CPA6: variants seen among roughly 807,000 people sequenced by gnomAD.
The protein encoded by CPA6 is carboxypeptidase B.
In CPA6, 58 loss-of-function variants were observed where a neutral mutation model predicts 63.3. That is an observed-to-expected ratio of 0.92 (90% CI 0.74 to 1.14). The LOEUF (loss-of-function observed/expected upper bound fraction) is 1.14. CPA6 is among the 50% of genes most tolerant of loss of function. CPA6 has a pLI of 0.00. For missense variants in CPA6, 565 were observed against 526.6 expected (o/e 1.07, Z -0.71); for synonymous variants, 185 against 179.0 (o/e 1.03, Z -0.27).
At chr8:67,425,270 CTATTAT>C (rs563612920) in intron 10 of CPA6, among the ~76,000 whole-genome samples, 2 of 151,430 alleles carry the variant, frequency 1.3e-5, no homozygotes, top group African/African-American at 4.9e-5. Context: ...TGAGATAATC[CTATTAT>C]TATTATTATT....
intron 2 of CPA6, among the ~76,000 whole-genome samples, chr8:67,589,366 G>T (rs1304240572): frequency 1.3e-5 from 2 of 152,178 alleles, no homozygotes; most frequent in Non-Finnish European, 2.9e-5. Flanking sequence ...CCTTGTGGAA[G>T]AATCTTCCAA....
intron 8 of CPA6, among the ~76,000 whole-genome samples, chr8:67,453,148 T>C (rs1489963641): frequency 2.0e-5 from 3 of 152,048 alleles, no homozygotes; most frequent in Non-Finnish European, 4.4e-5. Context: ...GGGTAGCAGC[T>C]GTGAGAGTAG....
chr8:67,677,728 C>A (rs1816506810), intron 1 of CPA6, among the ~76,000 whole-genome samples: 1 of 151,998 alleles, frequency 6.6e-6, no homozygotes, highest in African/African-American at 2.4e-5. Context: ...ATAATCAAAT[C>A]TTTCAAATAC....
At chr8:67,476,547 CTCTCTCTTT>C (rs1369342889) in intron 8 of CPA6, among the ~76,000 whole-genome samples, 2 of 123,968 alleles carry the variant, frequency 1.6e-5, no homozygotes, top group African/African-American at 8.3e-5. Context: ...ATCTCTCTCT[CTCTCTCTTT>C]TTTTTTTTTT....
At chr8:67,510,406 A>ATGTGTGTG (rs71554609) in intron 4 of CPA6, among the ~76,000 whole-genome samples, 122 of 150,376 alleles carry the variant, frequency 8.1e-4, no homozygotes, top group Middle Eastern at 6.9e-3. Flanking sequence ...AGCAGGATAT[A>ATGTGTGTG]TGTGTGTGTG....
chr8:67,637,686 T>C (rs1195920818), intron 1 of CPA6, among the ~76,000 whole-genome samples: 1 of 151,510 alleles, frequency 6.6e-6, no homozygotes, highest in East Asian at 1.9e-4. Flanking sequence ...AGACAAACAA[T>C]ACCTTATTAT....
At chr8:67,450,005 G>A (rs143284842) in intron 8 of CPA6, among the ~76,000 whole-genome samples, 5 of 151,896 alleles carry the variant, frequency 3.3e-5, no homozygotes, top group Middle Eastern at 3.4e-3. Flanking sequence ...TAGTAGAGAC[G>A]GGGTTTTGCC....
intron 8 of CPA6, among the ~76,000 whole-genome samples, chr8:67,464,245 T>A (rs1474741861): frequency 6.6e-6 from 1 of 152,216 alleles, no homozygotes; most frequent in Non-Finnish European, 1.5e-5. Flanking sequence ...TAGTTTTGAT[T>A]TACATTACTC....
rs1192442617 is a variant in CPA6, at chr8:67,668,781, G to GGCTTT, written c.117-44531_117-44530insAAAGC. On this transcript the variant is annotated intron_variant, in intron 1 of 10. Transcript: ENST00000297770. ...CAAAAATGAAAGCCTCTATCAAGAA[G>GGCTTT]CACATAATGAAGAGAGGAAACTGAC... is the stretch of plus-strand genomic sequence containing the variant. Among the ~76,000 whole-genome samples, 1,037 of 152,282 alleles carry GGCTTT rather than the reference G, an allele frequency of 6.8e-3. 7 individuals carry two copies. Among genetic ancestry groups the GGCTTT allele is most frequent in the African/African-American group, 0.024 (979 of 41,548 alleles).
At chr8:67,583,992 C>A (rs754672761) in intron 2 of CPA6, among the ~76,000 whole-genome samples, 3 of 151,770 alleles carry the variant, frequency 2.0e-5, no homozygotes, top group Non-Finnish European at 4.4e-5. Context: ...CCCGTCTCTA[C>A]TAAAAATACA....
At chr8:67,539,669 A>G (rs1812663249) in intron 2 of CPA6, among the ~76,000 whole-genome samples, 1 of 152,036 alleles carries the variant, frequency 6.6e-6, no homozygotes, top group African/African-American at 2.4e-5. Context: ...ACATAGTTCC[A>G]TATTTCTTGG....
intron 1 of CPA6, among the ~76,000 whole-genome samples, chr8:67,712,148 G>T (rs924133577): frequency 9.9e-5 from 15 of 152,150 alleles, no homozygotes; most frequent in African/African-American, 3.6e-4. Context: ...ATCTTCCATG[G>T]CCAAAGCGGG....
chr8:67,544,404 T>A (rs1291321372), intron 2 of CPA6, among the ~76,000 whole-genome samples: 3 of 152,134 alleles, frequency 2.0e-5, no homozygotes, highest in Non-Finnish European at 4.4e-5. Context: ...TTTTTTCTGT[T>A]GTGTGCAGCA....
At chr8:67,626,564 G>A (rs1159047957) in intron 1 of CPA6, among the ~76,000 whole-genome samples, 1 of 152,178 alleles carries the variant, frequency 6.6e-6, no homozygotes, top group African/African-American at 2.4e-5. Context: ...GGAAAAAATT[G>A]TCAAGTCACT....
chr8:67,663,005 C>T (rs531457907), intron 1 of CPA6, among the ~76,000 whole-genome samples: 3 of 152,214 alleles, frequency 2.0e-5, no homozygotes, highest in South Asian at 4.1e-4. Context: ...GCAAGTGAGG[C>T]TGCGGGCCAC....
chr8:67,591,109 G>T (rs1587607239), intron 2 of CPA6, among the ~76,000 whole-genome samples: 1 of 151,768 alleles, frequency 6.6e-6, no homozygotes, highest in Non-Finnish European at 1.5e-5. Flanking sequence ...CATATGGCTA[G>T]CCAGTTTTCC....
chr8:67,523,489 G>A (rs922879723), intron 2 of CPA6, among the ~76,000 whole-genome samples: 3 of 152,056 alleles, frequency 2.0e-5, no homozygotes, highest in East Asian at 1.9e-4. Context: ...AGATGGTGCC[G>A]CTGCACTCCA....
chr8:67,587,396 G>A (rs1037821682), intron 2 of CPA6, among the ~76,000 whole-genome samples: 2 of 152,286 alleles, frequency 1.3e-5, no homozygotes, highest in East Asian at 3.9e-4. Context: ...GTTGGGGCTA[G>A]ACTGGAGTAG....
intron 1 of CPA6, among the ~76,000 whole-genome samples, chr8:67,644,258 A>G (rs1162401694): frequency 6.6e-6 from 1 of 152,008 alleles, no homozygotes; most frequent in Non-Finnish European, 1.5e-5. Flanking sequence ...AGCTGGGACT[A>G]CAGGCGCCCG....
Sources: gnomAD v4.1 joint callset for allele counts (sites outside exome capture counted in the v4.1 genomes callset) on GRCh38, gnomAD v4.1.1 for gene constraint, MANE v1.5 for transcripts, NCBI Gene and HGNC (gene_info 2026-07-23, HGNC 2026-07-21) for gene names.